The following MPRIP variants were observed in gnomAD, a reference collection of about 807,000 sequenced individuals.
The protein encoded by MPRIP is myosin phosphatase Rho interacting protein, also known as myosin phosphatase Rho-interacting protein.
MPRIP carries 59 observed loss-of-function variants against 234.9 expected under a neutral mutation model. That is an observed-to-expected ratio of 0.25 (90% CI 0.20 to 0.31). The LOEUF (loss-of-function observed/expected upper bound fraction) is 0.31, where lower values mean the gene tolerates loss of function less well. MPRIP is among the 10% of genes least tolerant of loss of function. The probability of loss-of-function intolerance (pLI) is 1.00; values close to 1 mark genes in which losing one functional copy is unlikely to be tolerated. For missense variants in MPRIP, 2,436 were observed against 3,071.0 expected (o/e 0.79, Z 4.89); for synonymous variants, 1,144 against 1,263.9 (o/e 0.91, Z 2.01).
chr17:17,155,060 G>T (rs2144578182), intron 13 of MPRIP, among the ~76,000 whole-genome samples: 1 of 152,274 alleles, frequency 6.6e-6, no homozygotes, highest in African/African-American at 2.4e-5. Flanking sequence ...TGTGGGGGCT[G>T]GTCCTTTGAT....
intron 1 of MPRIP, among the ~76,000 whole-genome samples, chr17:17,072,670 G>A (rs1469108800): frequency 3.9e-5 from 6 of 152,112 alleles, no homozygotes; most frequent in Non-Finnish European, 7.4e-5. Context: ...AGGAGGCTGG[G>A]GGAGGCTGCG....
At chr17:17,143,131 A>G (rs2045367656) in intron 8 of MPRIP, among the ~76,000 whole-genome samples, 1 of 152,112 alleles carries the variant, frequency 6.6e-6, no homozygotes, top group African/African-American at 2.4e-5. Flanking sequence ...TCGGCTTCTG[A>G]AATCCTCCTG....
intron 3 of MPRIP, among the ~76,000 whole-genome samples, chr17:17,098,705 G>A (rs921191774): frequency 1.3e-5 from 2 of 152,146 alleles, no homozygotes; most frequent in African/African-American, 4.8e-5. Flanking sequence ...GAAAGAAGCT[G>A]GCTCCCAGGG....
chr17:17,047,398 T>A (rs1597708654), intron 1 of MPRIP, among the ~76,000 whole-genome samples: 1 of 152,316 alleles, frequency 6.6e-6, no homozygotes, highest in South Asian at 2.1e-4. Context: ...TCTTTTTTTT[T>A]AATAGTTTGT....
At chr17:17,157,640 C>G (rs1333228196) in intron 13 of MPRIP, among the ~76,000 whole-genome samples, 1 of 152,170 alleles carries the variant, frequency 6.6e-6, no homozygotes, top group Admixed American at 6.5e-5. Context: ...ACCAGCCTGG[C>G]CAACATGGAG....
At chr17:17,076,075 A>G in intron 2 of MPRIP, 1 of 380,756 alleles carries the variant, frequency 2.6e-6, no homozygotes, top group Middle Eastern at 7.0e-4. Flanking sequence ...GCAAAAGAGC[A>G]GTTAAAGGTT....
chr17:17,121,235 C>T (rs2090382732), intron 3 of MPRIP, among the ~76,000 whole-genome samples: 1 of 152,160 alleles, frequency 6.6e-6, no homozygotes, highest in Non-Finnish European at 1.5e-5. Flanking sequence ...CAGCTTATTG[C>T]ACACCTAGGC....
rs1262337496 is a variant in MPRIP at position 17,170,039 on chromosome 17, C to G, written c.6325-1679C>G. 2.1e-5 allele frequency: 3 copies of G among 142,816 alleles called. No individual in the cohort carries two copies. In the East Asian group the frequency reaches 6.0e-4, roughly 29 times the overall value. 8.8% of individuals were successfully genotyped at this position (142,816 alleles called of 1,614,324 possible). Reference sequence around the variant, plus strand: ...TAAGACTTTTCCCAGCAAGTAGACTCAAAGAAAAAAAAAAAAGACTTAAAA... The same window carrying G: ...TAAGACTTTTCCCAGCAAGTAGACTGAAAGAAAAAAAAAAAAGACTTAAAA... On this transcript the variant is annotated intron_variant, in intron 16 of 23. Transcript: ENST00000651222.
chr17:17,175,454 C>G, intron 20 of MPRIP, 42 bp downstream of exon 20: 1 of 1,540,918 alleles, frequency 6.5e-7, no homozygotes, highest in Non-Finnish European at 8.7e-7. Flanking sequence ...AGCTCTGCAC[C>G]CAGGAACCCC....
chr17:17,096,220 G>C (rs902808292), intron 3 of MPRIP, among the ~76,000 whole-genome samples: 2 of 146,990 alleles, frequency 1.4e-5, no homozygotes, highest in Non-Finnish European at 3.0e-5. Flanking sequence ...ACTGTCCCCT[G>C]TGTGGGTCAT....
chr17:17,175,080 A>C (rs1423723506), intron 19 of MPRIP, among the ~76,000 whole-genome samples: 2 of 152,214 alleles, frequency 1.3e-5, no homozygotes, highest in African/African-American at 2.4e-5. Flanking sequence ...CTGTGGCTTA[A>C]AGATTACCCC....
chr17:17,080,586 C>T (rs1205574894), intron 3 of MPRIP, among the ~76,000 whole-genome samples: 4 of 152,142 alleles, frequency 2.6e-5, no homozygotes, highest in African/African-American at 9.7e-5. Context: ...ATTGTCACAC[C>T]TGGGGCAGGA....
rs148777785 is a variant in MPRIP at position 17,078,797 on chromosome 17, A to G, written c.267+721A>G. Reference sequence around the variant, plus strand: ...GAGATTAGTCTCTCCTAATTAATCTAAAGTAGGACTGCATTCCAAACTTTG... The same window carrying G: ...GAGATTAGTCTCTCCTAATTAATCTGAAGTAGGACTGCATTCCAAACTTTG... On this transcript the variant is annotated intron_variant, in intron 3 of 23. Transcript: ENST00000651222. This position sits in a 1 kb window ranked among gnomAD's most constrained non-coding sequence, Gnocchi z 4.3. Among the ~76,000 whole-genome samples, 2 of 152,198 alleles carry G rather than the reference A, an allele frequency of 1.3e-5. No homozygotes were observed. Among genetic ancestry groups the G allele is most frequent in the Non-Finnish European group, 2.9e-5 (2 of 68,042 alleles).
At chr17:17,143,773 G>A (rs1252079065) in intron 9 of MPRIP, 104 bp downstream of exon 9, 4 of 650,190 alleles carry the variant, frequency 6.2e-6, no homozygotes, top group East Asian at 3.3e-5. Flanking sequence ...CTGTCCCTCT[G>A]TGCACAGGCC....
chr17:17,185,830 A>G lies in MPRIP; in HGVS notation c.*936A>G. ...AGAGGAGACCCCTGTTAAGTCAAGA[A>G]GAAAGTACAGAGGATGTCAGAATCT... On this transcript the variant is annotated 3_prime_UTR_variant, in exon 24 of 24. Coordinates refer to ENST00000651222, the MANE Select transcript of MPRIP (RefSeq NM_001364716.4). 1 of 314,112 alleles carries G rather than the reference A, an allele frequency of 3.2e-6. No homozygotes were observed. Among genetic ancestry groups the G allele is most frequent in the Non-Finnish European group, 6.2e-6 (1 of 160,862 alleles). 19.5% of individuals were successfully genotyped at this position (314,112 alleles called of 1,614,324 possible). A position where few individuals can be genotyped will look rare whatever the true frequency, so the allele number is the denominator to read the frequency against.
chr17:17,082,285 ATTT>A (rs71355536), intron 3 of MPRIP, among the ~76,000 whole-genome samples: 1 of 88,708 alleles, frequency 1.1e-5, no homozygotes, highest in African/African-American at 4.6e-5. Context: ...GCTTTTTCCA[ATTT>A]TTTTTTTTTT....
intron 11 of MPRIP, chr17:17,149,873 T>G (rs902202801): frequency 8.4e-6 from 2 of 237,758 alleles, no homozygotes; most frequent in Non-Finnish European, 8.1e-6. Context: ...GGGCCACCAG[T>G]TTTTAAGAGT....
rs2046593779 is a variant in MPRIP, at chr17:17,191,903, T to TA, written c.*7010dup. The TA allele has an allele frequency of 6.6e-6, 1 of 152,228 alleles. No individual in the cohort carries two copies. The highest frequency in any genetic ancestry group is 6.5e-5 in the Admixed American group (1 of 15,284). The allele number at this position is 152,228 out of a possible 1,614,324, so 9.4% of individuals were successfully genotyped here. A position where few individuals can be genotyped will look rare whatever the true frequency, so the allele number is the denominator to read the frequency against. ...AACAACGTATCTACTGACATACTGT[T>TA]AGGATTCAAAACCAGTTAAGTATAA... On this transcript the variant is annotated 3_prime_UTR_variant, in exon 24 of 24. Coordinates refer to ENST00000651222, the MANE Select transcript of MPRIP (RefSeq NM_001364716.4).
At chr17:17,108,910 T>C (rs2090115036) in intron 3 of MPRIP, among the ~76,000 whole-genome samples, 1 of 152,104 alleles carries the variant, frequency 6.6e-6, no homozygotes, top group Non-Finnish European at 1.5e-5. Context: ...CACAGGAAGC[T>C]CCATCTGAAG....
Sources: allele counts gnomAD v4.1 joint callset (sites outside exome capture counted in the v4.1 genomes callset), GRCh38; gene constraint gnomAD v4.1.1; non-coding constraint Gnocchi (gnomAD v3.1); transcripts MANE v1.5; gene names NCBI Gene and HGNC (gene_info 2026-07-23, HGNC 2026-07-21).